Variants in ENPP2 observed in about 807,000 individuals in gnomAD.
ENPP2 encodes autotaxin.
A neutral mutation model predicts 120.2 loss-of-function variants in ENPP2; 51 were observed. The ratio of observed to expected loss-of-function variants is 0.42; its 90% CI spans 0.34 to 0.54. The LOEUF (loss-of-function observed/expected upper bound fraction) is 0.54, where lower values mean the gene tolerates loss of function less well. Among genes scored for constraint, ENPP2 ranks in the 20% least tolerant of loss-of-function variants. ENPP2 has a pLI of 0.04. For missense variants in ENPP2, 920 were observed against 1,066.5 expected (o/e 0.86, Z 1.91); for synonymous variants, 365 against 366.4 (o/e 1.00, Z 0.04).
rs1587341677 is a variant in ENPP2 at position 119,569,160 on chromosome 8, C to T, written c.2053+75G>A. Reference sequence around the variant, plus strand: ...CCTCTCTTGAAGAAAACCCAAGCCACTGAAATTCCAAATACCAAGATTGCA... The same window carrying T: ...CCTCTCTTGAAGAAAACCCAAGCCATTGAAATTCCAAATACCAAGATTGCA... On this transcript the variant is annotated intron_variant, in intron 21 of 24. Coordinates refer to ENST00000075322, the MANE Select transcript of ENPP2 (RefSeq NM_001040092.3). 4.8e-6 allele frequency: 7 copies of T among 1,443,934 alleles called. No individual in the cohort carries two copies. The East Asian group carries it at 1.6e-4, about 34-fold the overall frequency. The allele number at this position is 1,443,934 out of a possible 1,614,324, so 89.4% of individuals were successfully genotyped here.
chr8:119,574,696 G>C (rs1423852248), intron 19 of ENPP2, among the ~76,000 whole-genome samples: 1 of 151,962 alleles, frequency 6.6e-6, no homozygotes, highest in African/African-American at 2.4e-5. Context: ...GCTGTCTTGA[G>C]AGCCACATGA....
intron 5 of ENPP2, chr8:119,618,326 G>T (rs768611637): frequency 8.3e-6 from 4 of 480,268 alleles, no homozygotes; most frequent in African/African-American, 4.0e-5. Flanking sequence ...ATGGGCCTCT[G>T]TATAAGAGAA....
At chr8:119,571,932 A>C in intron 19 of ENPP2, 1 of 371,274 alleles carries the variant, frequency 2.7e-6, no homozygotes, top group East Asian at 4.3e-5. Flanking sequence ...GATTTGAGAC[A>C]AAGCGGCCCA....
Position 119,566,427 on chromosome 8 carries a change from C to T in ENPP2, c.2132-1472G>A, listed in dbSNP as rs564066852. On this transcript the variant is annotated intron_variant, in intron 22 of 24. Transcript: ENST00000075322. ...CATACTGCTTCAATTGCTCTTCCTG[C>T]CTTCTGAAACTCTGAATGGCAGAGC... Among the ~76,000 whole-genome samples, 13 of 152,296 alleles carry T rather than the reference C, an allele frequency of 8.5e-5. No homozygotes were observed. In the East Asian group the frequency reaches 2.3e-3, roughly 27 times the overall value.
Position 119,569,345 on chromosome 8 carries a change from T to C in ENPP2, c.1943A>G (p.His648Arg). ...ATCAGGCCGGACGCAACTGGTCAGA[T>C]GGTCAGGAACGCTGGAAACCTCAGC... Reference protein sequence around the residue: ...KQAEVSSVPDHLTSCVRPDVR... With the variant: ...KQAEVSSVPDRLTSCVRPDVR... The change falls in exon 21 of 25, where the codon CAT becomes CGT. Residue 648 changes from histidine to arginine, a missense_variant. Coordinates refer to ENST00000075322, the MANE Select transcript of ENPP2 (RefSeq NM_001040092.3). The C allele has an allele frequency of 6.2e-7, 1 of 1,614,054 alleles. No individual in the cohort carries two copies. The highest frequency in any genetic ancestry group is 8.5e-7 in the Non-Finnish European group (1 of 1,180,020).
upstream of ENPP2, among the ~76,000 whole-genome samples, chr8:119,642,666 T>C (rs1237489989): frequency 6.6e-6 from 1 of 152,184 alleles, no homozygotes. Flanking sequence ...AAACTGTGGC[T>C]TTTCTTCCAG....
At chr8:119,631,068 G>A (rs1421324441) in intron 2 of ENPP2, among the ~76,000 whole-genome samples, 2 of 151,646 alleles carry the variant, frequency 1.3e-5, no homozygotes, top group Non-Finnish European at 2.9e-5. Context: ...CTAATTTTTT[G>A]TATTTTTGGT....
At position 119,572,165 on chromosome 8, in the gene ENPP2, T is replaced by G. The variant is rs563291760; in HGVS notation, c.1781-1324A>C. The G allele has an allele frequency of 1.6e-5, 25 of 1,538,480 alleles. No homozygotes were observed. In the African/African-American group the frequency reaches 3.3e-4, roughly 20 times the overall value. On this transcript the variant is annotated intron_variant, in intron 19 of 24. Coordinates refer to ENST00000075322, the MANE Select transcript of ENPP2 (RefSeq NM_001040092.3). ...AACAACCCAGACTTTCCTTCAAAAC[T>G]CAAACCAAACCTTTTCTAGGTTCAA...
intron 1 of ENPP2, 47 bp downstream of exon 1, chr8:119,638,701 G>T: frequency 8.2e-7 from 1 of 1,216,910 alleles, no homozygotes; most frequent in Non-Finnish European, 1.2e-6. Context: ...ATCAGTCACT[G>T]ATTCTGAAGA....
intron 8 of ENPP2, among the ~76,000 whole-genome samples, chr8:119,615,463 G>A (rs1446598552): frequency 1.3e-5 from 2 of 152,158 alleles, no homozygotes; most frequent in Non-Finnish European, 2.9e-5. Context: ...AAAGCAAGTT[G>A]CGTAACCATA....
intron 2 of ENPP2, among the ~76,000 whole-genome samples, chr8:119,631,692 G>A (rs1816696977): frequency 6.6e-6 from 1 of 152,046 alleles, no homozygotes; most frequent in Admixed American, 6.6e-5. Flanking sequence ...GCCTTTCCAG[G>A]GTCTATTCCG....
intron 22 of ENPP2, among the ~76,000 whole-genome samples, chr8:119,566,708 GCCTTGATTA>G (rs1354145870): frequency 6.6e-6 from 1 of 152,118 alleles, no homozygotes; most frequent in Non-Finnish European, 1.5e-5. Flanking sequence ...ACTGTGTGTT[GCCTTGATTA>G]CCATTTGGTC....
At chr8:119,621,969 C>T (rs570603793) in intron 3 of ENPP2, among the ~76,000 whole-genome samples, 12 of 152,202 alleles carry the variant, frequency 7.9e-5, no homozygotes, top group Non-Finnish European at 1.0e-4. Flanking sequence ...TGCTCTCTTG[C>T]CCACTCTGGA....
At position 119,600,684 on chromosome 8, in the gene ENPP2, G is replaced by A. The variant is rs753124733; in HGVS notation, c.966C>T (p.Gly322=). The change falls in exon 11 of 25, where the codon GGC becomes GGT. Residue 322 remains glycine (G), a synonymous_variant. Coordinates refer to ENST00000075322, the MANE Select transcript of ENPP2 (RefSeq NM_001040092.3). ...CAGATGCTAAACCACTAACCTCAGGGCCGAAAGGGCCATATTTGTGTCCAG... is the reference window on the plus strand; with the variant it reads ...CAGATGCTAAACCACTAACCTCAGGACCGAAAGGGCCATATTTGTGTCCAG... The part of the protein sequence containing the change: ...DFSGHKYGPF[G]PEMTNPLREI... 1.2e-6 allele frequency: 2 copies of A among 1,607,196 alleles called. No homozygotes were observed. The highest frequency in any genetic ancestry group is 8.5e-7 in the Non-Finnish European group (1 of 1,173,816).
chr8:119,632,162 A>G (rs1047605262), intron 2 of ENPP2, among the ~76,000 whole-genome samples: 4 of 152,228 alleles, frequency 2.6e-5, no homozygotes, highest in Admixed American at 2.6e-4. Context: ...CTTGACCTAA[A>G]TCAAGAGAAC....
Position 119,601,431 on chromosome 8 carries a change from T to A in ENPP2, c.865A>T (p.Ile289Leu), listed in dbSNP as rs762387189. Reference sequence around the variant, plus strand: ...TCTGGCAGGGTGAGCCACTGCAATATGGTTAATATTCTCCGCTCGTGAGGG... The same window carrying A: ...TCTGGCAGGGTGAGCCACTGCAATAAGGTTAATATTCTCCGCTCGTGAGGG... The part of the protein sequence containing the change: ...VIPHERRILT[I>L]LQWLTLPDHE... Residue 289 changes from isoleucine to leucine, a missense_variant, in exon 10 of 25, where the codon ATA (isoleucine) becomes TTA (leucine). By Grantham distance (5) the Ile-to-Leu change is conservative (BLOSUM62 2). Transcript: ENST00000075322. 18 of 1,612,568 alleles carry A rather than the reference T, an allele frequency of 1.1e-5. No individual in the cohort carries two copies. Among genetic ancestry groups the A allele is most frequent in the Non-Finnish European group, 1.4e-5 (16 of 1,178,682 alleles).
intron 10 of ENPP2, 120 bp from the exon 11 acceptor site, chr8:119,600,870 A>G: frequency 3.0e-6 from 2 of 676,788 alleles, no homozygotes; most frequent in East Asian, 2.7e-5. Flanking sequence ...TCCTTTAACT[A>G]CTATTCATGT....
intron 2 of ENPP2, among the ~76,000 whole-genome samples, chr8:119,631,577 G>T (rs762718863): frequency 6.6e-6 from 1 of 152,050 alleles, no homozygotes; most frequent in Non-Finnish European, 1.5e-5. Flanking sequence ...ACACACTCCT[G>T]TGTGCAATGG....
At chr8:119,581,606 T>G (rs1812742409) in intron 18 of ENPP2, among the ~76,000 whole-genome samples, 1 of 152,066 alleles carries the variant, frequency 6.6e-6, no homozygotes, top group Non-Finnish European at 1.5e-5. Flanking sequence ...GGAAACTTAC[T>G]CCTTCCCCTC....
Sources: gnomAD v4.1 joint callset for allele counts (sites outside exome capture counted in the v4.1 genomes callset) on GRCh38, gnomAD v4.1.1 for gene constraint, MANE v1.5 for transcripts, NCBI Gene and HGNC (gene_info 2026-07-23, HGNC 2026-07-21) for gene names.